Variants in RTTN observed in about 807,000 individuals in gnomAD.
RTTN encodes rotatin.
RTTN carries 182 observed loss-of-function variants against 269.2 expected under a neutral mutation model. The observed-to-expected ratio is 0.68, with a 90% CI of 0.60 to 0.76. RTTN has a LOEUF of 0.76. Among genes scored for constraint, RTTN ranks in the 30% least tolerant of loss-of-function variants. The pLI is 0.00. For missense variants in RTTN, 2,545 were observed against 2,608.6 expected, an observed-to-expected ratio of 0.98 and a Z score of 0.53; for synonymous variants, 1,006 against 963.5, an observed-to-expected ratio of 1.04 and a Z score of -0.82.
At chr18:70,150,121 A>T in intron 15 of RTTN, 34 bp from the exon 16 acceptor site, 1 of 1,387,722 alleles carries the variant, frequency 7.2e-7, no homozygotes, top group South Asian at 1.2e-5. Context: ...AAACCAGTCA[A>T]ATGAGATGTC....
At chr18:70,143,165 A>C (rs2060302440) in intron 18 of RTTN, among the ~76,000 whole-genome samples, 1 of 152,172 alleles carries the variant, frequency 6.6e-6, no homozygotes, top group African/African-American at 2.4e-5. Flanking sequence ...CTTCTTTTGA[A>C]AAATGTCTGT....
intron 4 of RTTN, 34 bp downstream of exon 4, chr18:70,201,860 A>G (rs770517529): frequency 7.5e-7 from 1 of 1,329,956 alleles, no homozygotes; most frequent in Non-Finnish European, 1.1e-6. Context: ...CAACTTCCCA[A>G]GTCAACAGGA....
At chr18:70,014,600 AGCCAAGTTCACG>A (rs2056485123) in intron 46 of RTTN, among the ~76,000 whole-genome samples, 1 of 152,232 alleles carries the variant, frequency 6.6e-6, no homozygotes, top group Non-Finnish European at 1.5e-5. Flanking sequence ...AGACACCTCA[AGCCAAGTTCACG>A]GCCAACTTTG....
At chr18:70,053,498 C>T (rs187607162) in intron 38 of RTTN, 5 of 152,296 alleles carry the variant, frequency 3.3e-5, no homozygotes, top group East Asian at 1.9e-4. Context: ...TATCATAACA[C>T]ACTTCATTTT....
Position 70,028,801 on chromosome 18 carries a change from C to T in RTTN, c.5746G>A (p.Glu1916Lys), listed in dbSNP as rs754035689. 1 of 1,606,548 alleles carries T rather than the reference C, an allele frequency of 6.2e-7. No homozygotes were observed. Among genetic ancestry groups the T allele is most frequent in the East Asian group, 2.2e-5 (1 of 44,804 alleles). Reference protein sequence around the residue: ...RPGKAALKKKEDGVIKELSIA... With the variant: ...RPGKAALKKKKDGVIKELSIA... ...CTTAACTCTTTAATAACACCATCCT[C>T]CTATTTAAACAAAAAGCAGTTGAAA... Residue 1916 changes from glutamate (E) to lysine (K), a missense_variant and splice_region_variant, in exon 43 of 49, where the codon GAG (glutamate) becomes AAG (lysine). By Grantham distance (56) the Glu-to-Lys change is moderately conservative (BLOSUM62 1). Coordinates refer to ENST00000640769, the MANE Select transcript of RTTN (RefSeq NM_173630.4).
intron 18 of RTTN, 52 bp downstream of exon 18, chr18:70,145,560 A>C (rs2060367735): frequency 9.7e-6 from 13 of 1,339,164 alleles, no homozygotes; most frequent in Middle Eastern, 1.9e-4. Context: ...AATACATGAT[A>C]TAAAAATGTA....
At chr18:70,051,888 ATTGT>A (rs2057681949) in intron 38 of RTTN, among the ~76,000 whole-genome samples, 1 of 152,172 alleles carries the variant, frequency 6.6e-6, no homozygotes, top group African/African-American at 2.4e-5. Flanking sequence ...AAAATATGTC[ATTGT>A]TTGTGCTACT....
chr18:70,033,560 G>C (rs2057081034), intron 40 of RTTN, among the ~76,000 whole-genome samples: 1 of 152,148 alleles, frequency 6.6e-6, no homozygotes, highest in Admixed American at 6.5e-5. Flanking sequence ...GAATCTCTGG[G>C]ACACAGCTAA....
In RTTN at chr18:70,205,239, G is replaced by T. The variant is rs1178097238; in HGVS notation, c.108C>A (p.Tyr36Ter). The T allele has an allele frequency of 6.2e-7, 1 of 1,614,154 alleles. No individual in the cohort carries two copies. Among genetic ancestry groups the T allele is most frequent in the Admixed American group, 1.7e-5 (1 of 60,026 alleles). The change falls in exon 2 of 49, where the codon TAC (tyrosine) becomes TAA (stop). Residue 36 changes from tyrosine to a stop codon, truncating the protein, a stop_gained. Transcript: ENST00000640769. LOFTEE classifies it high-confidence loss of function. ...GTTGCCTCTCCTGAATGAGATCAGC[G>T]TAGCAGATTAAGTTGTGCTCAATCT... The part of the protein sequence containing the change: ...LCKIEHNLIC[Y>*]ADLIQERQLF...
At chr18:70,034,703 G>A (rs1318715503) in intron 40 of RTTN, among the ~76,000 whole-genome samples, 1 of 152,138 alleles carries the variant, frequency 6.6e-6, no homozygotes, top group Non-Finnish European at 1.5e-5. Flanking sequence ...AGGGCAATCA[G>A]GCAAGAGAAG....
intron 23 of RTTN, among the ~76,000 whole-genome samples, chr18:70,134,041 G>A (rs941876544): frequency 2.6e-5 from 4 of 152,062 alleles, no homozygotes; most frequent in African/African-American, 7.2e-5. Context: ...TATTGTAGCA[G>A]TTATGTAGAA....
intron 48 of RTTN, 41 bp downstream of exon 48, chr18:70,005,157 C>T (rs750007905): frequency 2.7e-6 from 4 of 1,457,894 alleles, no homozygotes; most frequent in East Asian, 2.3e-5. Context: ...CACTTAATAG[C>T]TTCTGAGTTT....
chr18:70,026,408 G>C (rs1267600523), intron 43 of RTTN, among the ~76,000 whole-genome samples: 1 of 152,080 alleles, frequency 6.6e-6, no homozygotes, highest in Non-Finnish European at 1.5e-5. Flanking sequence ...GATCTCATGA[G>C]ATCTGGTCAT....
chr18:70,198,757 T>C (rs536812155), intron 5 of RTTN, among the ~76,000 whole-genome samples: 7 of 152,334 alleles, frequency 4.6e-5, no homozygotes, highest in African/African-American at 7.2e-5. Context: ...TTTTGAAATA[T>C]ATTCTGCCAA....
Position 70,196,527 on chromosome 18 carries a change from T to A in RTTN, c.815A>T (p.Asp272Val), listed in dbSNP as rs1450445306. The part of the protein sequence containing the change: ...YLRNRLNFHR[D>V]PGFFSNKHDT... ...GTGTTTATTGGAGAAAAAACCTGGA[T>A]CTCGGTGAAAGTTAAGTCTGTTTCT... Residue 272 changes from aspartate to valine, a missense_variant, in exon 7 of 49, where the codon GAT becomes GTT. Asp to Val is a radical substitution (Grantham distance 152). Coordinates refer to ENST00000640769, the MANE Select transcript of RTTN (RefSeq NM_173630.4). 1.2e-6 allele frequency: 2 copies of A among 1,611,488 alleles called. No individual in the cohort carries two copies. The highest frequency in any genetic ancestry group is 2.2e-5 in the East Asian group (1 of 44,854).
At chr18:70,078,948 G>T (rs557875897) in intron 32 of RTTN, among the ~76,000 whole-genome samples, 1 of 152,102 alleles carries the variant, frequency 6.6e-6, no homozygotes, top group Non-Finnish European at 1.5e-5. Flanking sequence ...ACCAGGAAGA[G>T]CAAGTGTGAC....
chr18:70,203,955 G>GT (rs2062015774), intron 3 of RTTN, 131 bp downstream of exon 3: 2 of 702,192 alleles, frequency 2.8e-6, no homozygotes, highest in Non-Finnish European at 4.7e-6. Context: ...TCAAAATCAT[G>GT]TAAGTTAACA....
In RTTN at chr18:70,146,805, CAATA is replaced by C. The variant is rs556739213; in HGVS notation, c.2310-1026_2310-1023del. ...GCTCATAGATACATAGTAAGACACCCAATAAATACTTCCTGAATCAAACACAAAG... is the reference window on the plus strand; with the variant it reads ...GCTCATAGATACATAGTAAGACACCCAATACTTCCTGAATCAAACACAAAG... On this transcript the variant is annotated intron_variant, in intron 17 of 48. Coordinates refer to ENST00000640769, the MANE Select transcript of RTTN (RefSeq NM_173630.4). Among the ~76,000 whole-genome samples, 89 of 152,300 alleles carry C rather than the reference CAATA, an allele frequency of 5.8e-4. No individual in the cohort carries two copies. In the South Asian group the frequency reaches 0.015, roughly 26 times the overall value.
At chr18:70,078,635 T>C (rs1218419071) in intron 32 of RTTN, among the ~76,000 whole-genome samples, 2 of 151,950 alleles carry the variant, frequency 1.3e-5, no homozygotes, top group Admixed American at 6.6e-5. Context: ...ACTTTTCCTC[T>C]GAGTATTAGA....
Sources: allele counts gnomAD v4.1 joint callset (sites outside exome capture counted in the v4.1 genomes callset), GRCh38; gene constraint gnomAD v4.1.1; transcripts MANE v1.5; gene names NCBI Gene and HGNC (gene_info 2026-07-23, HGNC 2026-07-21).